LDLRAD3: variants seen among roughly 807,000 people sequenced by gnomAD.
The protein encoded by LDLRAD3 is low-density lipoprotein receptor class A domain-containing protein 3.
In LDLRAD3, 20 loss-of-function variants were observed where a neutral mutation model predicts 29.4. The ratio of observed to expected loss-of-function variants is 0.68; its 90% CI spans 0.48 to 0.99. The LOEUF (loss-of-function observed/expected upper bound fraction) is 0.99. Among genes scored for constraint, LDLRAD3 ranks in the 50% least tolerant of loss-of-function variants. The pLI is 0.00. For synonymous variants in LDLRAD3, 157 were observed against 192.7 expected, an observed-to-expected ratio of 0.81 and a Z score of 1.53; for missense variants, 420 against 454.3, an observed-to-expected ratio of 0.92 and a Z score of 0.69.
intron 4 of LDLRAD3, among the ~76,000 whole-genome samples, chr11:36,112,937 T>C (rs1227048324): frequency 2.6e-5 from 4 of 152,172 alleles, no homozygotes; most frequent in Non-Finnish European, 5.9e-5. Flanking sequence ...TTTGAACTGA[T>C]TTGAGTGGAT....
intron 4 of LDLRAD3, among the ~76,000 whole-genome samples, chr11:36,101,069 A>G (rs139173505): frequency 1.3e-5 from 2 of 152,334 alleles, no homozygotes; most frequent in African/African-American, 4.8e-5. Context: ...CTCTTGACAC[A>G]TACTTTCCTT....
chr11:36,225,834 G>A (rs1021894593), intron 4 of LDLRAD3, among the ~76,000 whole-genome samples: 21 of 152,136 alleles, frequency 1.4e-4, no homozygotes, highest in African/African-American at 4.8e-4. Context: ...ACTTTGGGAG[G>A]CCGAGGCAGT....
In LDLRAD3 at chr11:36,213,461, C is replaced by T. The variant is rs989830150; in HGVS notation, c.455-13624C>T. ...GGGTGATGTGCTTGGAATAGGGATCCGCAAAGGCGCTCCAGCCCCATGGGA... is the reference window on the plus strand; with the variant it reads ...GGGTGATGTGCTTGGAATAGGGATCTGCAAAGGCGCTCCAGCCCCATGGGA... On this transcript the variant is annotated intron_variant, in intron 4 of 5. Coordinates refer to ENST00000315571, the MANE Select transcript of LDLRAD3 (RefSeq NM_174902.4). This position sits in a 1 kb window ranked among gnomAD's most constrained non-coding sequence, Gnocchi z 4.1. 1.4e-4 allele frequency among the ~76,000 whole-genome samples: 21 copies of T among 152,344 alleles called. No individual in the cohort carries two copies. Among genetic ancestry groups the T allele is most frequent in the Admixed American group, 7.2e-4 (11 of 15,306 alleles).
chr11:35,951,692 G>T (rs1216301809), intron 1 of LDLRAD3, among the ~76,000 whole-genome samples: 1 of 152,168 alleles, frequency 6.6e-6, no homozygotes, highest in Non-Finnish European at 1.5e-5. Flanking sequence ...GCCTCTTTGT[G>T]TATACACAAA....
At chr11:36,026,075 C>T (rs771738468) in intron 1 of LDLRAD3, among the ~76,000 whole-genome samples, 12 of 152,092 alleles carry the variant, frequency 7.9e-5, no homozygotes, top group Non-Finnish European at 7.3e-5. Context: ...CCACCACACC[C>T]GGCCCTGAAT....
At chr11:36,125,684 C>T (rs555795256) in intron 4 of LDLRAD3, among the ~76,000 whole-genome samples, 2 of 152,318 alleles carry the variant, frequency 1.3e-5, no homozygotes, top group South Asian at 4.2e-4. Flanking sequence ...CACTACTCGG[C>T]ACCCAACTGC....
chr11:35,946,679 C>G (rs1184665814), intron 1 of LDLRAD3, among the ~76,000 whole-genome samples: 1 of 152,176 alleles, frequency 6.6e-6, no homozygotes, highest in Non-Finnish European at 1.5e-5. Flanking sequence ...CTCACCTCCT[C>G]CAGGACTGAC....
chr11:36,114,913 G>A (rs143371128), intron 4 of LDLRAD3, among the ~76,000 whole-genome samples: 1 of 152,318 alleles, frequency 6.6e-6, no homozygotes, highest in East Asian at 1.9e-4. Context: ...TACAGACTGT[G>A]TCCCTACTTC....
intron 4 of LDLRAD3, among the ~76,000 whole-genome samples, chr11:36,178,081 G>A (rs567322781): frequency 1.6e-4 from 25 of 152,310 alleles, no homozygotes; most frequent in Non-Finnish European, 2.9e-4. Context: ...AGTTCACGAT[G>A]TGAGTTTCTA....
At chr11:36,212,220 C>T (rs1470856583) in intron 4 of LDLRAD3, among the ~76,000 whole-genome samples, 1 of 152,152 alleles carries the variant, frequency 6.6e-6, no homozygotes, top group South Asian at 2.1e-4. Flanking sequence ...TCAGAGGTTT[C>T]CCTTTGGATG....
chr11:36,104,401 G>A (rs1363644457), intron 4 of LDLRAD3, among the ~76,000 whole-genome samples: 1 of 152,122 alleles, frequency 6.6e-6, no homozygotes, highest in Non-Finnish European at 1.5e-5. Flanking sequence ...ATAAATGTTT[G>A]TTTGTTTAAA....
chr11:35,995,620 C>T (rs1590714046), intron 1 of LDLRAD3, among the ~76,000 whole-genome samples: 1 of 152,240 alleles, frequency 6.6e-6, no homozygotes, highest in East Asian at 1.9e-4. Flanking sequence ...CTTATTCTGT[C>T]TAGATATGAA....
At position 36,142,807 on chromosome 11, in the gene LDLRAD3, A is replaced by T. The variant is rs375821376; in HGVS notation, c.454+44346A>T. ...CTTCCAGGTTATCTAAAGGAGCCAGAGGTTGGAATTTCTGTGTGAAAGCTC... is the reference window on the plus strand; with the variant it reads ...CTTCCAGGTTATCTAAAGGAGCCAGTGGTTGGAATTTCTGTGTGAAAGCTC... On this transcript the variant is annotated intron_variant, in intron 4 of 5. Transcript: ENST00000315571. Among the ~76,000 whole-genome samples, 88 of 152,322 alleles carry T rather than the reference A, an allele frequency of 5.8e-4. No individual in the cohort carries two copies. In the East Asian group the frequency reaches 9.1e-3, roughly 16 times the overall value.
rs976579718 is a variant in LDLRAD3, at chr11:36,213,048, C to A, written c.455-14037C>A. Among the ~76,000 whole-genome samples, 1 of 150,878 alleles carries A rather than the reference C, an allele frequency of 6.6e-6. No individual in the cohort carries two copies. Among genetic ancestry groups the A allele is most frequent in the Non-Finnish European group, 1.5e-5 (1 of 67,884 alleles). On this transcript the variant is annotated intron_variant, in intron 4 of 5. Transcript: ENST00000315571. This position sits in a 1 kb window ranked among gnomAD's most constrained non-coding sequence, Gnocchi z 4.1. ...CTTCTCTCTCTGTCTCTCTCTCCCC[C>A]ACCCCTCTCTTTCTCTCCCCCTCGC... is the stretch of plus-strand genomic sequence containing the variant.
At chr11:36,218,288 A>G (rs148650738) in intron 4 of LDLRAD3, among the ~76,000 whole-genome samples, 1 of 152,306 alleles carries the variant, frequency 6.6e-6, no homozygotes, top group African/African-American at 2.4e-5. Flanking sequence ...ACTTTTCCCC[A>G]TGCCCTTCTG....
intron 4 of LDLRAD3, among the ~76,000 whole-genome samples, chr11:36,120,742 G>A (rs942089472): frequency 3.9e-5 from 6 of 152,160 alleles, no homozygotes; most frequent in Admixed American, 6.5e-5. Flanking sequence ...CTGAATGTTT[G>A]TGTCTCCCGC....
intron 4 of LDLRAD3, among the ~76,000 whole-genome samples, chr11:36,120,716 ACTGCCTG>A (rs1314998162): frequency 6.6e-6 from 1 of 152,126 alleles, no homozygotes; most frequent in Non-Finnish European, 1.5e-5. Context: ...GTGAGACTAA[ACTGCCTG>A]CTGTGGGTCT....
intron 1 of LDLRAD3, among the ~76,000 whole-genome samples, chr11:36,006,649 C>G (rs1052757493): frequency 3.9e-5 from 6 of 152,206 alleles, no homozygotes; most frequent in Non-Finnish European, 5.9e-5. Context: ...TTTTTGAACT[C>G]TCTGAGCCTT....
intron 4 of LDLRAD3, among the ~76,000 whole-genome samples, chr11:36,159,500 C>T (rs1210521755): frequency 6.7e-6 from 1 of 148,656 alleles, no homozygotes; most frequent in African/African-American, 2.5e-5. Flanking sequence ...TGCGGTGGCT[C>T]ACTGCTGTAA....
Sources: gnomAD v4.1 joint callset for allele counts (sites outside exome capture counted in the v4.1 genomes callset) on GRCh38, gnomAD v4.1.1 for gene constraint, Gnocchi (gnomAD v3.1) non-coding constraint, MANE v1.5 for transcripts, NCBI Gene and HGNC (gene_info 2026-07-23, HGNC 2026-07-21) for gene names.